TBX6: variants seen among roughly 807,000 people sequenced by gnomAD.
TBX6 encodes T-box transcription factor TBX6.
Under a neutral mutation model 42.3 loss-of-function variants are expected in TBX6, and 29 were observed. The ratio of observed to expected loss-of-function variants is 0.69; its 90% confidence interval spans 0.51 to 0.93. TBX6 has a LOEUF of 0.93. TBX6 is among the 40% of genes least tolerant of loss of function. The probability of loss-of-function intolerance (pLI) is 0.00; values close to 1 mark genes in which losing one functional copy is unlikely to be tolerated. For synonymous variants in TBX6, 249 were observed against 245.1 expected, an observed-to-expected ratio of 1.02 and a Z score of -0.15; for missense variants, 569 against 603.3, an observed-to-expected ratio of 0.94 and a Z score of 0.59.
At chr16:30,091,725 T>C in intron 1 of TBX6, 148 bp downstream of exon 1, 1 of 158,312 alleles carries the variant, frequency 6.3e-6, no homozygotes. Flanking sequence ...AAGTGCAGGC[T>C]AGAGGGACGC....
At position 30,086,703 on chromosome 16, in the gene TBX6, G is replaced by A. The variant is rs2072637481; in HGVS notation, c.914-8C>T. On this transcript the variant is annotated splice_polypyrimidine_tract_variant and splice_region_variant and intron_variant, in intron 7 of 8. Coordinates refer to ENST00000395224, the MANE Select transcript of TBX6 (RefSeq NM_004608.4). This position sits in a 1 kb window ranked among gnomAD's most constrained non-coding sequence, Gnocchi z 4.6. ...AGGGACCACCTGGTGTGTCTGGGGA[G>A]AGGGAAGGGAGAGGTTGGGCTAGGG... is the stretch of plus-strand genomic sequence containing the variant. 2 of 1,612,712 alleles carry A rather than the reference G, an allele frequency of 1.2e-6. No individual in the cohort carries two copies. Among genetic ancestry groups the A allele is most frequent in the African/African-American group, 2.7e-5 (2 of 74,984 alleles).
In TBX6 at chr16:30,091,219, C is replaced by T. The variant is rs760514916; in HGVS notation, c.-26G>A. The T allele has an allele frequency of 1.3e-6, 2 of 1,524,674 alleles. No individual in the cohort carries two copies. Among genetic ancestry groups the T allele is most frequent in the Admixed American group, 2.0e-5 (1 of 49,194 alleles). The allele number at this position is 1,524,674 out of a possible 1,614,324, so 94.4% of individuals were successfully genotyped here. A position where few individuals can be genotyped will look rare whatever the true frequency, so the allele number is the denominator to read the frequency against. ...GTTGTAGTTCCGTCTGGCCTCAGGT[C>T]TCGCTGCTTAGGGCCCCCGGTGCTG... On this transcript the variant is annotated 5_prime_UTR_variant, in exon 2 of 9. Coordinates refer to ENST00000395224, the MANE Select transcript of TBX6 (RefSeq NM_004608.4).
At chr16:30,091,270 G>GC in intron 1 of TBX6, 29 bp from the exon 2 acceptor site, 2 of 1,180,048 alleles carry the variant, frequency 1.7e-6, no homozygotes, top group Non-Finnish European at 2.3e-6. Flanking sequence ...ATAGCTCACA[G>GC]CTCAGCCCCT....
Position 30,086,099 on chromosome 16 carries a change from G to A in TBX6, c.*126C>T, listed in dbSNP as rs1407262218. The A allele has an allele frequency of 1.1e-6, 1 of 891,064 alleles. No individual in the cohort carries two copies. Among genetic ancestry groups the A allele is most frequent in the Non-Finnish European group, 1.7e-6 (1 of 582,590 alleles). The allele number at this position is 891,064 out of a possible 1,614,324, so 55.2% of individuals were successfully genotyped here. On this transcript the variant is annotated 3_prime_UTR_variant, in exon 9 of 9. Transcript: ENST00000395224. The surrounding 1 kb of genome is among the most constrained non-coding windows in gnomAD (Gnocchi z 4.6). ...TGAAATCAAGGTGTGAAGTTGAGGGGGTGGGTGGGCAGGCCCAAGGCGGCC... is the reference window on the plus strand; with the variant it reads ...TGAAATCAAGGTGTGAAGTTGAGGGAGTGGGTGGGCAGGCCCAAGGCGGCC...
In TBX6 at chr16:30,090,924, G is replaced by C; in HGVS notation, c.187C>G (p.His63Asp). 2 of 1,612,824 alleles carry C rather than the reference G, an allele frequency of 1.2e-6. No individual in the cohort carries two copies. Among genetic ancestry groups the C allele is most frequent in the Non-Finnish European group, 1.7e-6 (2 of 1,179,628 alleles). Residue 63 changes from histidine (H) to aspartate (D), a missense_variant, in exon 3 of 9, where the codon CAC becomes GAC. Physicochemically the swap from His to Asp is moderately conservative, Grantham distance 81. This residue lies in a region of TBX6 where 134 missense variants were observed against 125.3 expected (regional missense o/e 1.07). Coordinates refer to ENST00000395224, the MANE Select transcript of TBX6 (RefSeq NM_004608.4). ...GGGGGCAGAAGGGGCAGAGGTGGGT[G>C]CGCGGCCAGGGTGCGGGGAGCAGCC... ...MEAAPRTLAA[H>D]PPLPLLPPAM...
chr16:30,089,932 CAAAAAAA>C (rs34629735), intron 3 of TBX6, among the ~76,000 whole-genome samples: 10 of 97,494 alleles, frequency 1.0e-4, no homozygotes, highest in Admixed American at 2.2e-4. Flanking sequence ...GACTCCATCT[CAAAAAAA>C]AAAAAAAAAA....
chr16:30,090,032 T>A (rs189867572), intron 3 of TBX6, among the ~76,000 whole-genome samples: 7 of 151,270 alleles, frequency 4.6e-5, no homozygotes, highest in African/African-American at 1.7e-4. Context: ...GACAGACGGG[T>A]TAAGTGATCT....
chr16:30,090,460 C>T (rs2072703790), intron 3 of TBX6, among the ~76,000 whole-genome samples: 1 of 152,134 alleles, frequency 6.6e-6, no homozygotes, highest in Non-Finnish European at 1.5e-5. Context: ...GTCTAAGCCA[C>T]ACACTAACCT....
chr16:30,088,453 G>A lies in TBX6; in HGVS notation c.839+92C>T. On this transcript the variant is annotated intron_variant, in intron 6 of 8. Coordinates refer to ENST00000395224, the MANE Select transcript of TBX6 (RefSeq NM_004608.4). The surrounding 1 kb of genome is among the most constrained non-coding windows in gnomAD (Gnocchi z 4.1). ...TGAATGAATGTTTTCACTTACCACT[G>A]CATTTCTGATGTCCAGCACGGTGCC... 2 of 1,543,942 alleles carry A rather than the reference G, an allele frequency of 1.3e-6. No individual in the cohort carries two copies. The highest frequency in any genetic ancestry group is 1.8e-6 in the Non-Finnish European group (2 of 1,118,210).
chr16:30,089,733 C>T (rs1171037423), intron 3 of TBX6, among the ~76,000 whole-genome samples: 1 of 152,064 alleles, frequency 6.6e-6, no homozygotes, highest in Non-Finnish European at 1.5e-5. Flanking sequence ...AGTTTGAGAC[C>T]AGCCTGGCCA....
In TBX6 at chr16:30,086,812, T is replaced by C. The variant is rs755950824; in HGVS notation, c.879A>G (p.Pro293=). ...DARVKRKLRG[P]EPAATEAYGS... is the part of the protein sequence containing the mutation. ...CATAGGCCTCTGTGGCTGCTGGCTC[T>C]GGGCCCCGCAGTTTCCTCTTCACAC... is the stretch of plus-strand genomic sequence containing the variant. Residue 293 remains proline, a synonymous_variant, in exon 7 of 9, where the codon CCA becomes CCG. Transcript: ENST00000395224. The surrounding 1 kb of genome is among the most constrained non-coding windows in gnomAD (Gnocchi z 4.6). 4.2e-5 allele frequency: 68 copies of C among 1,613,690 alleles called. No individual in the cohort carries two copies. The highest frequency in any genetic ancestry group is 5.2e-5 in the Non-Finnish European group (61 of 1,179,928).
In TBX6 at chr16:30,086,270, G is replaced by C; in HGVS notation, c.1266C>G (p.Thr422=). The change falls in exon 9 of 9, where the codon ACC becomes ACG. Residue 422 remains threonine (T), a synonymous_variant. Transcript: ENST00000395224. This position sits in a 1 kb window ranked among gnomAD's most constrained non-coding sequence, Gnocchi z 4.6. ...CCACATCCAGATAGCCCCCAGGCGCGGTGTATGGTAGAGGGAAGGGGCCCC... is the reference window on the plus strand; with the variant it reads ...CCACATCCAGATAGCCCCCAGGCGCCGTGTATGGTAGAGGGAAGGGGCCCC... ...LQGGPFPLPY[T]APGGYLDVGS... is the part of the protein sequence containing the mutation. 5.6e-6 allele frequency: 9 copies of C among 1,612,164 alleles called. No individual in the cohort carries two copies. The highest frequency in any genetic ancestry group is 7.6e-6 in the Non-Finnish European group (9 of 1,179,668).
rs768707252 is a variant in TBX6 at position 30,086,841 on chromosome 16, CG to C, written c.849del (p.Asp283GlufsTer4). The C allele has an allele frequency of 6.2e-7, 1 of 1,612,126 alleles. No homozygotes were observed. The highest frequency in any genetic ancestry group is 8.5e-7 in the Non-Finnish European group (1 of 1,179,298). On this transcript the variant is annotated frameshift_variant, in exon 7 of 9. Transcript: ENST00000395224. LOFTEE classifies it high-confidence loss of function. This position sits in a 1 kb window ranked among gnomAD's most constrained non-coding sequence, Gnocchi z 4.6. ...ENGRNCKRER[D>X]ARVKRKLRGP... The stretch of plus-strand genomic sequence containing the variant: ...CCCCGCAGTTTCCTCTTCACACGGG[CG>C]TCTCGCTCCCTGGGGAACAGTGGTG...
rs368712218 is a variant in TBX6, at chr16:30,086,598, C to T, written c.1011G>A (p.Pro337=). The T allele has an allele frequency of 7.7e-5, 122 of 1,576,968 alleles. No individual in the cohort carries two copies. The highest frequency in any genetic ancestry group is 9.4e-5 in the Non-Finnish European group (109 of 1,165,642). ...APAPGEATAA[P]APLCGGPSAE... is the part of the protein sequence containing the mutation. Reference sequence around the variant, plus strand: ...CACTGGGGCCACCACACAGAGGTGCCGGGGCAGCGGTGGCTTCCCCGGGGG... The same window carrying T: ...CACTGGGGCCACCACACAGAGGTGCTGGGGCAGCGGTGGCTTCCCCGGGGG... Residue 337 remains proline (P), a synonymous_variant, in exon 8 of 9, where the codon CCG becomes CCA. Coordinates refer to ENST00000395224, the MANE Select transcript of TBX6 (RefSeq NM_004608.4). This position sits in a 1 kb window ranked among gnomAD's most constrained non-coding sequence, Gnocchi z 4.6.
rs150501162 is a variant in TBX6 at position 30,090,378 on chromosome 16, G to A, written c.353+380C>T. On this transcript the variant is annotated intron_variant, in intron 3 of 8. Coordinates refer to ENST00000395224, the MANE Select transcript of TBX6 (RefSeq NM_004608.4). ...CCTATTCGAGTTGCATACTGATCCC[G>A]AATCCTGGCCAGATTTCCCTGATGC... Among the ~76,000 whole-genome samples, 370 of 152,206 alleles carry A rather than the reference G, an allele frequency of 2.4e-3. 2 individuals are homozygous for A. The highest frequency in any genetic ancestry group is 4.0e-3 in the Non-Finnish European group (270 of 68,008).
At chr16:30,087,898 CT>C (rs55866227) in intron 6 of TBX6, 800 of 68,924 alleles carry the variant, frequency 0.012, 5 homozygotes, top group African/African-American at 0.038. Context: ...TCTTTTTTTT[CT>C]TTTTTTTTTT....
intron 3 of TBX6, among the ~76,000 whole-genome samples, chr16:30,089,932 CAAAAAAAA>C (rs34629735): frequency 3.1e-5 from 3 of 97,488 alleles, no homozygotes; most frequent in Non-Finnish European, 4.1e-5. Flanking sequence ...GACTCCATCT[CAAAAAAAA>C]AAAAAAAAAA....
rs760198629 is a variant in TBX6, at chr16:30,088,907, C to G, written c.621+36G>C. 6.2e-6 allele frequency: 10 copies of G among 1,603,378 alleles called. No individual in the cohort carries two copies. The Admixed American group carries it at 8.4e-5, about 13-fold the overall frequency. Reference sequence around the variant, plus strand: ...ACCCTTGGCCTCCCTTCCAGCACCCCCCAACCCTATCCTGGAGTCCCAGCC... The same window carrying G: ...ACCCTTGGCCTCCCTTCCAGCACCCGCCAACCCTATCCTGGAGTCCCAGCC... On this transcript the variant is annotated intron_variant, in intron 4 of 8. Coordinates refer to ENST00000395224, the MANE Select transcript of TBX6 (RefSeq NM_004608.4). The surrounding 1 kb of genome is among the most constrained non-coding windows in gnomAD (Gnocchi z 4.1).
At position 30,089,111 on chromosome 16, in the gene TBX6, G is replaced by A; in HGVS notation, c.453C>T (p.Tyr151=). The change falls in exon 4 of 9, where the codon TAC becomes TAT. Residue 151 remains tyrosine (Y), a synonymous_variant. Coordinates refer to ENST00000395224, the MANE Select transcript of TBX6 (RefSeq NM_004608.4). ...LDVIPVDGAR[Y]RWQGRRWEPS... ...GCTCCCAGCGCCGGCCCTGCCAGCG[G>A]TAGCGAGCCCCATCCACCGGAATCA... 5 of 1,614,002 alleles carry A rather than the reference G, an allele frequency of 3.1e-6. No individual in the cohort carries two copies. Among genetic ancestry groups the A allele is most frequent in the Non-Finnish European group, 4.2e-6 (5 of 1,180,012 alleles).
Sources: gnomAD v4.1 joint callset for allele counts (sites outside exome capture counted in the v4.1 genomes callset) on GRCh38, gnomAD v4.1.1 for gene constraint, gnomAD v4.1.1 regional missense constraint, Gnocchi (gnomAD v3.1) non-coding constraint, MANE v1.5 for transcripts, NCBI Gene and HGNC (gene_info 2026-07-23, HGNC 2026-07-21) for gene names.